Variants in FGF13 observed in about 807,000 individuals in gnomAD.
FGF13 encodes the protein fibroblast growth factor homologous factor 2.
FGF13 carries 2 observed loss-of-function variants against 19.5 expected under a neutral mutation model. That is an observed-to-expected ratio of 0.10 (90% CI 0.04 to 0.32). The LOEUF is 0.32. FGF13 is among the 10% of genes least tolerant of loss of function. The pLI is 1.00. For missense variants in FGF13, 113 were observed against 192.7 expected (o/e 0.59, Z 2.45); for synonymous variants, 72 against 76.9 (o/e 0.94, Z 0.33).
chrX:139,174,180 G>C (rs1464884499), intron 1 of FGF13, among the ~76,000 whole-genome samples: 1 of 112,323 alleles, frequency 8.9e-6, no homozygotes, highest in African/African-American at 3.2e-5. Flanking sequence ...TCATATGTTT[G>C]TTGGCCACAT....
intron 1 of FGF13, among the ~76,000 whole-genome samples, chrX:139,196,467 T>C (rs996705598): frequency 7.2e-5 from 8 of 111,634 alleles, no homozygotes; most frequent in African/African-American, 2.6e-4. Flanking sequence ...CAGCACCTGA[T>C]AGAGAAAAGT....
intron 3 of FGF13, among the ~76,000 whole-genome samples, chrX:138,700,229 C>T (rs1275224848): frequency 9.0e-6 from 1 of 111,251 alleles, no homozygotes; most frequent in Non-Finnish European, 1.9e-5. Context: ...AGTCATCCCT[C>T]ACCAATTTTT....
At chrX:138,659,311 A>G (rs1213347083) in intron 3 of FGF13, among the ~76,000 whole-genome samples, 5 of 112,192 alleles carry the variant, frequency 4.5e-5, no homozygotes, top group Non-Finnish European at 9.4e-5. Context: ...CTCTAAAATA[A>G]TTAAGTATAA....
chrX:138,739,418 G>A (rs984892518), upstream of FGF13: 19 of 469,628 alleles, frequency 4.0e-5, 1 homozygote, highest in African/African-American at 3.5e-4. Context: ...TCTCAGTATA[G>A]AGAGATCATT....
chrX:139,071,298 G>A (rs772010171), intron 1 of FGF13, among the ~76,000 whole-genome samples: 15 of 110,223 alleles, frequency 1.4e-4, no homozygotes, highest in East Asian at 1.1e-3. Flanking sequence ...TCATTTTTTC[G>A]TTTATGCCTT....
At chrX:138,823,273 G>A (rs2091011611) in intron 3 of FGF13, among the ~76,000 whole-genome samples, 1 of 111,351 alleles carries the variant, frequency 9.0e-6, no homozygotes. Context: ...TCCCCAGAGA[G>A]ACTCCAGCCC....
chrX:138,694,789 C>G (rs1477336782), intron 3 of FGF13, among the ~76,000 whole-genome samples: 1 of 110,094 alleles, frequency 9.1e-6, no homozygotes, highest in Non-Finnish European at 1.9e-5. Context: ...TTAATTTTTT[C>G]TACCTCAGTT....
intron 1 of FGF13, among the ~76,000 whole-genome samples, chrX:139,065,517 G>A (rs1367146338): frequency 9.3e-6 from 1 of 107,884 alleles, no homozygotes; most frequent in Admixed American, 1.0e-4. Context: ...AAGAAAGGGG[G>A]GTTGCAATCA....
intron 3 of FGF13, among the ~76,000 whole-genome samples, chrX:138,680,424 T>C (rs2089716474): frequency 8.9e-6 from 1 of 111,994 alleles, no homozygotes; most frequent in Non-Finnish European, 1.9e-5. Context: ...ATAGGAAGAC[T>C]TGAAAATCAA....
chrX:138,977,178 A>G (rs762630592), intron 1 of FGF13, among the ~76,000 whole-genome samples: 23 of 112,046 alleles, frequency 2.1e-4, no homozygotes, highest in Non-Finnish European at 3.2e-4. Flanking sequence ...CCTGGATAGC[A>G]ACATGAGTGA....
Position 139,061,617 on chromosome X carries a change from TA to T in FGF13, c.-113+141798del, listed in dbSNP as rs200108766. On this transcript the variant is annotated intron_variant, in intron 1 of 2. Coordinates refer to the FGF13 transcript ENST00000421460. ...TGCAATAAATAAACTTATTTTTTTT[TA>T]AAATAAATTACTGAGTCTCAGGTAT... 4.6e-3 allele frequency among the ~76,000 whole-genome samples: 498 copies of T among 108,682 alleles called. 1 individual carries two copies. The highest frequency in any genetic ancestry group is 0.016 in the African/African-American group (466 of 29,421). The allele number at this position is 108,682 out of a possible 115,157, so 94.4% of individuals were successfully genotyped here. A position where few individuals can be genotyped will look rare whatever the true frequency, so the allele number is the denominator to read the frequency against.
intron 1 of FGF13, among the ~76,000 whole-genome samples, chrX:138,942,306 T>G (rs1405921176): frequency 1.8e-5 from 2 of 111,945 alleles, no homozygotes; most frequent in Non-Finnish European, 3.8e-5. Flanking sequence ...TACTGTCTAC[T>G]CTGGAACAAA....
chrX:138,964,237 A>C (rs968667060), intron 1 of FGF13, among the ~76,000 whole-genome samples: 2 of 111,462 alleles, frequency 1.8e-5, no homozygotes, highest in African/African-American at 6.5e-5. Flanking sequence ...AGCAGAGGGA[A>C]AGCCAATGCA....
chrX:138,955,826 T>C (rs2091838445), intron 1 of FGF13, among the ~76,000 whole-genome samples: 1 of 112,152 alleles, frequency 8.9e-6, no homozygotes, highest in Admixed American at 9.5e-5. Flanking sequence ...CCTCTAACCC[T>C]AAGAAAGGGG....
At position 138,949,570 on chromosome X, in the gene FGF13, A is replaced by G. The variant is rs757567418; in HGVS notation, c.-112-84920T>C. On this transcript the variant is annotated intron_variant, in intron 1 of 2. Transcript: ENST00000421460. ...ATGTTAACTAATTACATCTGCAAAG[A>G]CCCTATTTCCAAATAAGATCACATG... Among the ~76,000 whole-genome samples, 4 of 111,502 alleles carry G rather than the reference A, an allele frequency of 3.6e-5. No individual in the cohort carries two copies. In the Admixed American group the frequency reaches 3.8e-4, roughly 11 times the overall value.
At chrX:139,192,087 C>T (rs1056454805) in intron 1 of FGF13, among the ~76,000 whole-genome samples, 1 of 111,567 alleles carries the variant, frequency 9.0e-6, no homozygotes, top group Non-Finnish European at 1.9e-5. Context: ...AAAAAAGCAG[C>T]AAAAAGAGAG....
At chrX:138,963,667 T>A (rs985491345) in intron 1 of FGF13, among the ~76,000 whole-genome samples, 1 of 112,340 alleles carries the variant, frequency 8.9e-6, no homozygotes, top group African/African-American at 3.2e-5. Context: ...AGTCTTGAAT[T>A]CCTGGGCTCA....
intron 3 of FGF13, among the ~76,000 whole-genome samples, chrX:138,680,877 T>A: frequency 9.0e-6 from 1 of 110,790 alleles, no homozygotes; most frequent in Non-Finnish European, 1.9e-5. Flanking sequence ...TCATCTACAT[T>A]GAAAATCTGT....
chrX:138,971,559 TTTTG>T (rs1300435907), intron 1 of FGF13, among the ~76,000 whole-genome samples: 1 of 111,599 alleles, frequency 9.0e-6, no homozygotes, highest in Non-Finnish European at 1.9e-5. Context: ...TTCTTTTTAC[TTTTG>T]TTTTATTTTT....
Sources: gnomAD v4.1 joint callset for allele counts (sites outside exome capture counted in the v4.1 genomes callset) on GRCh38, gnomAD v4.1.1 for gene constraint, MANE v1.5 for transcripts, NCBI Gene and HGNC (gene_info 2026-07-23, HGNC 2026-07-21) for gene names.